The following NSMCE2 variants were observed in gnomAD, a reference collection of about 807,000 sequenced individuals.
NSMCE2 encodes NSE2 SUMO ligase component of SMC5/6 complex.
NSMCE2 carries 24 observed loss-of-function variants against 23.8 expected under a neutral mutation model. That is an observed-to-expected ratio of 1.01 (90% CI 0.73 to 1.42). The LOEUF (loss-of-function observed/expected upper bound fraction) is 1.42, where lower values mean the gene tolerates loss of function less well. Among genes scored for constraint, NSMCE2 ranks in the 40% most tolerant of loss-of-function variants. The probability of loss-of-function intolerance (pLI) is 0.00; values close to 1 mark genes in which losing one functional copy is unlikely to be tolerated. For synonymous variants in NSMCE2, 92 were observed against 94.1 expected, an observed-to-expected ratio of 0.98 and a Z score of 0.13; for missense variants, 284 against 296.5, an observed-to-expected ratio of 0.96 and a Z score of 0.31.
At chr8:125,226,503 G>A (rs1024792363) in intron 5 of NSMCE2, among the ~76,000 whole-genome samples, 1 of 152,176 alleles carries the variant, frequency 6.6e-6, no homozygotes, top group East Asian at 1.9e-4. Context: ...ATCTGCAGCC[G>A]GGATCAGTCA....
At chr8:125,173,116 C>T (rs1243532731) in intron 4 of NSMCE2, among the ~76,000 whole-genome samples, 1 of 152,222 alleles carries the variant, frequency 6.6e-6, no homozygotes, top group Non-Finnish European at 1.5e-5. Context: ...TTCATTAACA[C>T]AACCAATTCT....
rs1820798661 is a variant in NSMCE2, at chr8:125,148,248, A to G, written c.158-2923A>G. Among the ~76,000 whole-genome samples, 7 of 152,188 alleles carry G rather than the reference A, an allele frequency of 4.6e-5. No individual in the cohort carries two copies. In the South Asian group the frequency reaches 1.4e-3, roughly 31 times the overall value. ...AGATTCTTTCCTTAAGCTTCATGCC[A>G]TCAAAACTGACCCAAGCCTTGCCCA... On this transcript the variant is annotated intron_variant, in intron 3 of 7. Coordinates refer to ENST00000287437, the MANE Select transcript of NSMCE2 (RefSeq NM_173685.4).
intron 5 of NSMCE2, among the ~76,000 whole-genome samples, chr8:125,187,728 T>C (rs1823169307): frequency 6.6e-6 from 1 of 152,130 alleles, no homozygotes; most frequent in African/African-American, 2.4e-5. Context: ...GTTTCTAAGA[T>C]TGAGATTTAG....
At chr8:125,365,280 C>T (rs77872709) in intron 7 of NSMCE2, among the ~76,000 whole-genome samples, 1,892 of 152,234 alleles carry the variant, frequency 0.012, 22 homozygotes, top group Non-Finnish European at 0.019. Flanking sequence ...AGATGAAGCT[C>T]GCTTCTTCCC....
intron 3 of NSMCE2, among the ~76,000 whole-genome samples, chr8:125,146,466 A>G (rs554043590): frequency 2.0e-4 from 31 of 152,220 alleles, no homozygotes; most frequent in Non-Finnish European, 4.0e-4. Context: ...TTGCGGCACT[A>G]TTCACAGTAG....
In NSMCE2 at chr8:125,111,156, G is replaced by A. The variant is rs147281549; in HGVS notation, c.157+8669G>A. Among the ~76,000 whole-genome samples the A allele has an allele frequency of 2.2e-4, 34 of 152,026 alleles. No homozygotes were observed. In the South Asian group the frequency reaches 2.3e-3, roughly 10 times the overall value. On this transcript the variant is annotated intron_variant, in intron 3 of 7. Coordinates refer to ENST00000287437, the MANE Select transcript of NSMCE2 (RefSeq NM_173685.4). ...CCTTTTGTCTTACCTTAATCCCCAC[G>A]CAGCCAAAAAAGTTTTCACTGTGTG...
intron 3 of NSMCE2, among the ~76,000 whole-genome samples, chr8:125,122,172 C>CAAAAAAAAAA (rs796879544): frequency 2.2e-5 from 1 of 45,978 alleles, no homozygotes. Context: ...CTGGCTGAGC[C>CAAAAAAAAAA]AAAAAAAAAA....
chr8:125,338,928 T>C (rs1830147220), intron 5 of NSMCE2, among the ~76,000 whole-genome samples: 1 of 152,178 alleles, frequency 6.6e-6, no homozygotes, highest in African/African-American at 2.4e-5. Flanking sequence ...GAAAACTAAA[T>C]TCACGCTCTG....
chr8:125,196,162 G>A (rs545257461), intron 5 of NSMCE2, among the ~76,000 whole-genome samples: 2 of 150,662 alleles, frequency 1.3e-5, no homozygotes, highest in African/African-American at 4.9e-5. Flanking sequence ...GGGATCACAG[G>A]CATCAGCCAC....
At chr8:125,265,681 A>G (rs1265764689) in intron 5 of NSMCE2, among the ~76,000 whole-genome samples, 4 of 152,222 alleles carry the variant, frequency 2.6e-5, no homozygotes, top group Admixed American at 2.6e-4. Flanking sequence ...TCTGTAGGTC[A>G]TATGACTTGT....
intron 1 of NSMCE2, among the ~76,000 whole-genome samples, chr8:125,099,813 T>C: frequency 6.6e-6 from 1 of 151,988 alleles, no homozygotes; most frequent in Non-Finnish European, 1.5e-5. Flanking sequence ...GCTCTAAGGC[T>C]GAGTAGAGAA....
intron 4 of NSMCE2, among the ~76,000 whole-genome samples, chr8:125,151,663 A>C (rs1366269642): frequency 2.0e-5 from 3 of 152,232 alleles, no homozygotes; most frequent in Non-Finnish European, 4.4e-5. Context: ...TTTAATATGC[A>C]TCTATTGCCA....
At chr8:125,339,133 G>T (rs2131319610) in intron 5 of NSMCE2, among the ~76,000 whole-genome samples, 1 of 152,300 alleles carries the variant, frequency 6.6e-6, no homozygotes, top group South Asian at 2.1e-4. Flanking sequence ...ACACTGCTCT[G>T]CAGTGTCTTC....
intron 3 of NSMCE2, among the ~76,000 whole-genome samples, chr8:125,147,180 G>T (rs1820734419): frequency 6.6e-6 from 1 of 152,138 alleles, no homozygotes; most frequent in Admixed American, 6.5e-5. Flanking sequence ...TCCAGTGCTG[G>T]TGCCATCTCT....
chr8:125,116,322 C>T (rs1399348711), intron 3 of NSMCE2, among the ~76,000 whole-genome samples: 1 of 152,180 alleles, frequency 6.6e-6, no homozygotes, highest in East Asian at 1.9e-4. Flanking sequence ...CACTGCTCAC[C>T]ACAGGTCCTT....
intron 5 of NSMCE2, among the ~76,000 whole-genome samples, chr8:125,353,378 C>T (rs1813118607): frequency 6.6e-6 from 1 of 152,188 alleles, no homozygotes; most frequent in South Asian, 2.1e-4. Flanking sequence ...TAGCCTTCTC[C>T]TTGGCTTTTC....
At chr8:125,354,077 G>A (rs1283838999) in intron 5 of NSMCE2, among the ~76,000 whole-genome samples, 3 of 150,524 alleles carry the variant, frequency 2.0e-5, no homozygotes, top group Admixed American at 6.6e-5. Flanking sequence ...GGTTATAGGC[G>A]CCCACCACCA....
intron 3 of NSMCE2, among the ~76,000 whole-genome samples, chr8:125,138,566 G>A (rs1172973240): frequency 6.6e-6 from 1 of 152,082 alleles, no homozygotes; most frequent in Non-Finnish European, 1.5e-5. Context: ...ACCAGTGTGT[G>A]ATCAGGTAGT....
intron 5 of NSMCE2, among the ~76,000 whole-genome samples, chr8:125,263,501 A>G (rs945287950): frequency 7.2e-5 from 11 of 152,080 alleles, no homozygotes; most frequent in African/African-American, 2.2e-4. Context: ...TGTAATCCCA[A>G]TACTTTGGGA....
Sources: gnomAD v4.1 joint callset for allele counts (sites outside exome capture counted in the v4.1 genomes callset) on GRCh38, gnomAD v4.1.1 for gene constraint, MANE v1.5 for transcripts, NCBI Gene and HGNC (gene_info 2026-07-23, HGNC 2026-07-21) for gene names.